SCRG1: variants seen among roughly 807,000 people sequenced by gnomAD.
SCRG1 encodes the protein stimulator of chondrogenesis 1.
A neutral mutation model predicts 7.7 loss-of-function variants in SCRG1; 3 were observed. The ratio of observed to expected loss-of-function variants is 0.39; its 90% confidence interval spans 0.18 to 1.01. SCRG1 has a LOEUF of 1.01. SCRG1 is among the 50% of genes least tolerant of loss of function. The pLI is 0.36. For missense variants in SCRG1, 110 were observed against 117.2 expected, an observed-to-expected ratio of 0.94 and a Z score of 0.28; for synonymous variants, 46 against 41.2, an observed-to-expected ratio of 1.12 and a Z score of -0.44.
chr4:173,406,305 G>A (rs1473538968), exon 1 of SCRG1: 1 of 152,070 alleles, frequency 6.6e-6, no homozygotes, highest in African/African-American at 2.4e-5. Context: ...GTTTATATAC[G>A]GTGTCTTTTA....
At chr4:173,442,381 A>G in the SCRG1 span, among the ~76,000 whole-genome samples, 1 of 152,150 alleles carries the variant, frequency 6.6e-6, no homozygotes, top group African/African-American at 2.4e-5. Context: ...GGGCAAATAC[A>G]TTCGGGATCA....
At chr4:173,472,511 A>G in the SCRG1 span, among the ~76,000 whole-genome samples, 1 of 152,202 alleles carries the variant, frequency 6.6e-6, no homozygotes, top group African/African-American at 2.4e-5. Flanking sequence ...CTGATGGTGT[A>G]GTTGTAGTCT....
At chr4:173,393,076 G>A (rs946600528) in intron 1 of SCRG1, among the ~76,000 whole-genome samples, 5 of 148,088 alleles carry the variant, frequency 3.4e-5, no homozygotes, top group African/African-American at 1.2e-4. Flanking sequence ...GCATGACAGA[G>A]CGAGACTCCG....
the SCRG1 span, among the ~76,000 whole-genome samples, chr4:173,454,710 T>C: frequency 6.6e-6 from 1 of 152,206 alleles, no homozygotes; most frequent in Non-Finnish European, 1.5e-5. Context: ...GGGTCAGGTC[T>C]AGAGAAGCTC....
chr4:173,492,799 C>T, the SCRG1 span, among the ~76,000 whole-genome samples: 2 of 152,144 alleles, frequency 1.3e-5, no homozygotes, highest in East Asian at 3.8e-4. Context: ...TCAAATCCTA[C>T]GTGACCGCAC....
the SCRG1 span, among the ~76,000 whole-genome samples, chr4:173,414,905 A>G: frequency 3.9e-5 from 6 of 152,306 alleles, no homozygotes; most frequent in East Asian, 1.2e-3. Context: ...CTTGCTTGCT[A>G]TAGGACACTT....
chr4:173,464,777 A>G, the SCRG1 span, among the ~76,000 whole-genome samples: 2 of 152,210 alleles, frequency 1.3e-5, no homozygotes, highest in Non-Finnish European at 2.9e-5. Context: ...AGACTTGAAC[A>G]GAGATTTGTA....
At chr4:173,392,562 T>C (rs1207631564) in intron 1 of SCRG1, among the ~76,000 whole-genome samples, 2 of 152,212 alleles carry the variant, frequency 1.3e-5, no homozygotes, top group African/African-American at 2.4e-5. Flanking sequence ...AGTACAGGAT[T>C]TGCATAGAAG....
chr4:173,391,520 T>C, intron 1 of SCRG1, 92 bp from the exon 2 acceptor site: 2 of 1,319,968 alleles, frequency 1.5e-6, no homozygotes, highest in Non-Finnish European at 2.1e-6. Context: ...TTATAAACCC[T>C]TGGATAGAAA....
At chr4:173,425,504 C>G in the SCRG1 span, among the ~76,000 whole-genome samples, 1 of 152,228 alleles carries the variant, frequency 6.6e-6, no homozygotes, top group Non-Finnish European at 1.5e-5. Context: ...GTGTCTCTCA[C>G]ACATATACTG....
chr4:173,447,157 GT>G, the SCRG1 span, among the ~76,000 whole-genome samples: 1 of 152,212 alleles, frequency 6.6e-6, no homozygotes, highest in African/African-American at 2.4e-5. Context: ...CGATCAGGGT[GT>G]TAGCATGGCA....
chr4:173,483,811 GTAATATATA>G, the SCRG1 span, among the ~76,000 whole-genome samples: 1 of 11,862 alleles, frequency 8.4e-5, no homozygotes, highest in African/African-American at 1.6e-4. Flanking sequence ...TATATGATAT[GTAATATATA>G]TAATATATAT....
At chr4:173,419,543 A>G in the SCRG1 span, 5 of 730,636 alleles carry the variant, frequency 6.8e-6, no homozygotes, top group African/African-American at 3.5e-5. Context: ...CTGGCCCATG[A>G]TGTGCTTCCG....
At chr4:173,401,288 A>C (rs987009428), upstream of SCRG1, among the ~76,000 whole-genome samples, 1 of 152,228 alleles carries the variant, frequency 6.6e-6, no homozygotes, top group African/African-American at 2.4e-5. Context: ...TTACTAAATA[A>C]AGATGATGCC....
At chr4:173,441,340 G>A in the SCRG1 span, among the ~76,000 whole-genome samples, 102 of 152,188 alleles carry the variant, frequency 6.7e-4, 1 homozygote, top group African/African-American at 2.0e-3. Flanking sequence ...CAAAGTCTCC[G>A]TCACGGCTCT....
At chr4:173,443,319 A>G in the SCRG1 span, among the ~76,000 whole-genome samples, 2 of 152,208 alleles carry the variant, frequency 1.3e-5, no homozygotes, top group Non-Finnish European at 2.9e-5. Flanking sequence ...TTTATCTAGA[A>G]TGAGCCCTTG....
the SCRG1 span, among the ~76,000 whole-genome samples, chr4:173,507,012 C>G: frequency 6.6e-6 from 1 of 152,314 alleles, no homozygotes; most frequent in Non-Finnish European, 1.5e-5. The surrounding 1 kb of genome is among the most constrained non-coding windows in gnomAD (Gnocchi z 4.4). Flanking sequence ...CGAGCAGCCC[C>G]GGAGCTCTCA....
At chr4:173,402,287 T>G (rs1230922288), upstream of SCRG1, among the ~76,000 whole-genome samples, 1 of 152,204 alleles carries the variant, frequency 6.6e-6, no homozygotes, top group African/African-American at 2.4e-5. Flanking sequence ...TCTATAGGTA[T>G]ATGTTATCAC....
the SCRG1 span, among the ~76,000 whole-genome samples, chr4:173,474,491 A>G: frequency 1.3e-5 from 2 of 152,144 alleles, no homozygotes; most frequent in South Asian, 4.1e-4. Flanking sequence ...AAAAAGAGTC[A>G]GAAATTCTTT....
Sources: gnomAD v4.1 joint callset for allele counts (sites outside exome capture counted in the v4.1 genomes callset) on GRCh38, gnomAD v4.1.1 for gene constraint, Gnocchi (gnomAD v3.1) non-coding constraint, MANE v1.5 for transcripts, NCBI Gene and HGNC (gene_info 2026-07-23, HGNC 2026-07-21) for gene names.